The following APEH variants were observed in gnomAD, a reference collection of about 807,000 sequenced individuals.
APEH encodes acylamino-acid-releasing enzyme.
Under a neutral mutation model 102.7 loss-of-function variants are expected in APEH, and 75 were observed. The observed-to-expected ratio is 0.73, with a 90% CI of 0.61 to 0.89. APEH has a LOEUF of 0.89. APEH is among the 40% of genes least tolerant of loss of function. The pLI, the probability that APEH is intolerant of heterozygous loss-of-function variation, is 0.00. For missense variants in APEH, 863 were observed against 941.2 expected (o/e 0.92, Z 1.09); for synonymous variants, 344 against 362.7 (o/e 0.95, Z 0.59).
rs1236844087 is a variant in APEH, at chr3:49,675,329, C to T, written c.272+20C>T. On this transcript the variant is annotated intron_variant, in intron 3 of 21. Coordinates refer to ENST00000296456, the MANE Select transcript of APEH (RefSeq NM_001640.4). ...GGGGGAGTAAGTTTGAGGGAGGAAG[C>T]TTGTGGGCAAGGCCACAGCCGTCCG... is the stretch of plus-strand genomic sequence containing the variant. 6 of 1,612,792 alleles carry T rather than the reference C, an allele frequency of 3.7e-6. No individual in the cohort carries two copies. In the Admixed American group the frequency reaches 6.7e-5, roughly 18 times the overall value.
In APEH at chr3:49,674,565, G is replaced by T. The variant is rs927886980; in HGVS notation, c.89G>T (p.Cys30Phe). 4.5e-6 allele frequency: 7 copies of T among 1,568,530 alleles called. No homozygotes were observed. The highest frequency in any genetic ancestry group is 5.1e-6 in the Non-Finnish European group (6 of 1,166,386). Reference protein sequence around the residue: ...LSRQPALSAACLGPEVTTQYG... With the variant: ...LSRQPALSAAFLGPEVTTQYG... ...CGCCAGCCCGCGCTGAGCGCCGCCT[G>T]CCTGGGCCCGGAGGTCACCACGCAG... The change falls in exon 2 of 22, where the codon TGC becomes TTC. Residue 30 changes from cysteine (C) to phenylalanine (F), a missense_variant. Physicochemically the swap from Cys to Phe is radical, Grantham distance 205. Transcript: ENST00000296456.
rs1481409266 is a variant in APEH at position 49,679,003 on chromosome 3, C to CCCTGGGGGTGGAGT, written c.1158+63_1158+64insGGAGTCCTGGGGGT. Reference sequence around the variant, plus strand: ...AGCCCCTGTGGTCAACCCCCAGGAGCCCTGGGGGTTGCATGTGCATGCCCC... The same window carrying CCCTGGGGGTGGAGT: ...AGCCCCTGTGGTCAACCCCCAGGAGCCCTGGGGGTGGAGTCCTGGGGGTTGCATGTGCATGCCCC... On this transcript the variant is annotated intron_variant, in intron 12 of 21. Transcript: ENST00000296456. The surrounding 1 kb of genome is among the most constrained non-coding windows in gnomAD (Gnocchi z 4.3). 59 of 1,449,570 alleles carry CCCTGGGGGTGGAGT rather than the reference C, an allele frequency of 4.1e-5. No homozygotes were observed. The African/African-American group carries it at 7.9e-4, about 19-fold the overall frequency. The allele number at this position is 1,449,570 out of a possible 1,614,324, so 89.8% of individuals were successfully genotyped here. A position where few individuals can be genotyped will look rare whatever the true frequency, so the allele number is the denominator to read the frequency against.
At chr3:49,682,273 C>T (rs781407159) in intron 17 of APEH, 75 bp from the exon 18 acceptor site, 8 of 1,421,214 alleles carry the variant, frequency 5.6e-6, no homozygotes, top group Non-Finnish European at 7.8e-6. Flanking sequence ...GCCTACTTCA[C>T]AGATGTGTGA....
rs1420038107 is a variant in APEH, at chr3:49,682,943, C to T, written c.1984C>T (p.Gln662Ter). The change falls in exon 20 of 22, where the codon CAG becomes TAG. Residue 662 changes from glutamine to a stop codon, truncating the protein, a stop_gained and splice_region_variant. Coordinates refer to ENST00000296456, the MANE Select transcript of APEH (RefSeq NM_001640.4). LOFTEE classifies it high-confidence loss of function. ...CAAATCGCCCATCAGATACATCCCTCAGGTATGCAGCCCCCTCCTTGCCCT... is the reference window on the plus strand; with the variant it reads ...CAAATCGCCCATCAGATACATCCCTTAGGTATGCAGCCCCCTCCTTGCCCT... The part of the protein sequence containing the change: ...LDKSPIRYIP[Q>*]VKTPLLLMLG... 2 of 1,613,692 alleles carry T rather than the reference C, an allele frequency of 1.2e-6. No individual in the cohort carries two copies. Among genetic ancestry groups the T allele is most frequent in the Admixed American group, 3.3e-5 (2 of 59,986 alleles).
At position 49,675,776 on chromosome 3, in the gene APEH, C is replaced by G; in HGVS notation, c.355C>G (p.Gln119Glu). ...AGGTGPGEEK[Q>E]FLEVWEKNRK... The stretch of plus-strand genomic sequence containing the variant: ...AGGCACGGGCCCTGGGGAAGAGAAG[C>G]AGTTCCTGGAGGTGAGTCTGCATGG... Residue 119 changes from glutamine to glutamate, a missense_variant, in exon 4 of 22, where the codon CAG (glutamine) becomes GAG (glutamate). Coordinates refer to ENST00000296456, the MANE Select transcript of APEH (RefSeq NM_001640.4). 6.2e-7 allele frequency: 1 copy of G among 1,613,954 alleles called. No homozygotes were observed. Among genetic ancestry groups the G allele is most frequent in the Non-Finnish European group, 8.5e-7 (1 of 1,179,902 alleles).
chr3:49,683,078 C>T lies in APEH; in HGVS notation c.2025C>T (p.Asp675=), dbSNP rs1410263942. Residue 675 remains aspartate (D), a synonymous_variant, in exon 21 of 22, where the codon GAC becomes GAT. Transcript: ENST00000296456. ...TGTTACTGATGTTGGGCCAGGAGGA[C>T]CGGCGTGTGCCCTTCAAGCAGGGCA... ...TPLLLMLGQE[D]RRVPFKQGME... 6.2e-7 allele frequency: 1 copy of T among 1,613,960 alleles called. No homozygotes were observed. Among genetic ancestry groups the T allele is most frequent in the African/African-American group, 1.3e-5 (1 of 74,932 alleles).
intron 14 of APEH, 47 bp from the exon 15 acceptor site, chr3:49,681,054 C>T: frequency 2.0e-6 from 3 of 1,524,682 alleles, no homozygotes; most frequent in Non-Finnish European, 2.6e-6. Context: ...AAGGGAAGGG[C>T]AGGGAGGCAG....
rs1447948400 is a variant in APEH at position 49,683,096 on chromosome 3, G to A, written c.2043G>A (p.Lys681=). 1 of 1,614,072 alleles carries A rather than the reference G, an allele frequency of 6.2e-7. No homozygotes were observed. The change falls in exon 21 of 22, where the codon AAG becomes AAA. Residue 681 remains lysine (K), a synonymous_variant. Transcript: ENST00000296456. ...AGGAGGACCGGCGTGTGCCCTTCAA[G>A]CAGGGCATGGAGTATTACCGTGCCC... ...LGQEDRRVPF[K]QGMEYYRALK...
chr3:49,675,991 G>T, intron 5 of APEH, 25 bp downstream of exon 5: 3 of 1,614,210 alleles, frequency 1.9e-6, no homozygotes, highest in Non-Finnish European at 2.5e-6. Context: ...TGGTGAGCAG[G>T]CAGGGTGGAC....
At position 49,679,381 on chromosome 3, in the gene APEH, C is replaced by T. The variant is rs78324232; in HGVS notation, c.1159-212C>T. The stretch of plus-strand genomic sequence containing the variant: ...GCTCAAAGCCATTCCTTACCTTGCC[C>T]AGGGTCACCCAGCAAGTTGTGATGG... On this transcript the variant is annotated intron_variant, in intron 12 of 21. Coordinates refer to ENST00000296456, the MANE Select transcript of APEH (RefSeq NM_001640.4). The surrounding 1 kb of genome is among the most constrained non-coding windows in gnomAD (Gnocchi z 4.3). Among the ~76,000 whole-genome samples the T allele has an allele frequency of 1.3e-3, 201 of 152,318 alleles. No homozygotes were observed. The highest frequency in any genetic ancestry group is 4.7e-3 in the African/African-American group (195 of 41,556).
rs980614773 is a variant in APEH at position 49,674,551 on chromosome 3, G to A, written c.75G>A (p.Ala25=). 30 of 1,565,098 alleles carry A rather than the reference G, an allele frequency of 1.9e-5. No homozygotes were observed. Among genetic ancestry groups the A allele is most frequent in the Non-Finnish European group, 2.5e-5 (29 of 1,164,148 alleles). ...ALYRGLSRQP[A]LSAACLGPEV... is the part of the protein sequence containing the mutation. ...ATCGGGGCCTTAGCCGCCAGCCCGC[G>A]CTGAGCGCCGCCTGCCTGGGCCCGG... The change falls in exon 2 of 22, where the codon GCG becomes GCA. Residue 25 remains alanine, a synonymous_variant. Coordinates refer to ENST00000296456, the MANE Select transcript of APEH (RefSeq NM_001640.4).
intron 12 of APEH, 45 bp downstream of exon 12, chr3:49,678,994 C>T (rs751304731): frequency 6.6e-7 from 1 of 1,525,806 alleles, no homozygotes; most frequent in Admixed American, 1.7e-5. Flanking sequence ...TGTGGTCAAC[C>T]CCCAGGAGCC....
At position 49,682,568 on chromosome 3, in the gene APEH, A is replaced by C; in HGVS notation, c.1715A>C (p.Gln572Pro). The C allele has an allele frequency of 6.2e-7, 1 of 1,614,122 alleles. No individual in the cohort carries two copies. The highest frequency in any genetic ancestry group is 8.5e-7 in the Non-Finnish European group (1 of 1,180,006). ...DVQFAVEQVL[Q>P]EEHFDASHVA... ...CAGTTTGCAGTGGAACAGGTGCTCC[A>C]GGAGGAACACTTTGATGCAAGCCAT... Residue 572 changes from glutamine (Q) to proline (P), a missense_variant, in exon 19 of 22, where the codon CAG (glutamine) becomes CCG (proline). Transcript: ENST00000296456.
In APEH at chr3:49,677,568, T is replaced by A; in HGVS notation, c.1000-5T>A. 1 of 1,613,140 alleles carries A rather than the reference T, an allele frequency of 6.2e-7. No homozygotes were observed. The highest frequency in any genetic ancestry group is 8.5e-7 in the Non-Finnish European group (1 of 1,179,118). The stretch of plus-strand genomic sequence containing the variant: ...ACTGGACCTGACCATTGTGTTCTCT[T>A]GCAGTATGACTGGTATACCAAGGTT... On this transcript the variant is annotated splice_region_variant and splice_polypyrimidine_tract_variant and intron_variant, in intron 10 of 21. Transcript: ENST00000296456.
At chr3:49,673,700 G>A (rs1450202073), upstream of APEH, among the ~76,000 whole-genome samples, 3 of 152,160 alleles carry the variant, frequency 2.0e-5, no homozygotes, top group African/African-American at 7.2e-5. Flanking sequence ...GCACTGTGTA[G>A]TGAATGTCGG....
rs1156757845 is a variant in APEH at position 49,681,987 on chromosome 3, C to T, written c.1603+20C>T. The T allele has an allele frequency of 2.5e-6, 4 of 1,606,422 alleles. No individual in the cohort carries two copies. The highest frequency in any genetic ancestry group is 3.4e-6 in the Non-Finnish European group (4 of 1,173,026). ...TACTAGGTGAGTGAGCAGGGACCCA[C>T]AGTTCTGTTAGGACTACAGTGGAGT... On this transcript the variant is annotated intron_variant, in intron 17 of 21. Coordinates refer to ENST00000296456, the MANE Select transcript of APEH (RefSeq NM_001640.4).
Position 49,676,681 on chromosome 3 carries a change from C to T in APEH, c.817C>T (p.Arg273Cys), listed in dbSNP as rs571736407. The change falls in exon 8 of 22, where the codon CGC becomes TGC. Residue 273 changes from arginine to cysteine, a missense_variant. Transcript: ENST00000296456. ...WWHEPFRLGIRFCTNRRSALY... is the reference protein window; with the variant it reads ...WWHEPFRLGICFCTNRRSALY... Reference sequence around the variant, plus strand: ...GCATGAGCCCTTCCGGTTGGGCATCCGCTTTTGCACCAATCGCAGGTGAGG... The same window carrying T: ...GCATGAGCCCTTCCGGTTGGGCATCTGCTTTTGCACCAATCGCAGGTGAGG... 15 of 1,614,250 alleles carry T rather than the reference C, an allele frequency of 9.3e-6. No individual in the cohort carries two copies. The highest frequency in any genetic ancestry group is 2.7e-5 in the African/African-American group (2 of 75,060).
At chr3:49,674,312 A>G, upstream of APEH, 3 of 1,469,784 alleles carry the variant, frequency 2.0e-6, no homozygotes, top group South Asian at 3.8e-5. Context: ...AGGGGCGGAG[A>G]CAGCCCGGGC....
intron 14 of APEH, 22 bp downstream of exon 14, chr3:49,680,651 G>C: frequency 6.2e-7 from 1 of 1,605,636 alleles, no homozygotes; most frequent in Non-Finnish European, 8.5e-7. Context: ...TGGGTCCCAG[G>C]CTGTGGAGGC....
Sources: allele counts gnomAD v4.1 joint callset (sites outside exome capture counted in the v4.1 genomes callset), GRCh38; gene constraint gnomAD v4.1.1; non-coding constraint Gnocchi (gnomAD v3.1); transcripts MANE v1.5; gene names NCBI Gene and HGNC (gene_info 2026-07-23, HGNC 2026-07-21).